PREX2: variants seen among roughly 807,000 people sequenced by gnomAD.
PREX2 encodes phosphatidylinositol 3,4,5-trisphosphate-dependent Rac exchanger 2 protein.
In PREX2, 107 loss-of-function variants were observed where a neutral mutation model predicts 203.2. That is an observed-to-expected ratio of 0.53 (90% CI 0.45 to 0.62). The LOEUF is 0.62. Ranked by LOEUF, PREX2 falls within the 20% of genes least tolerant of loss-of-function variation. The pLI, the probability that PREX2 is intolerant of heterozygous loss-of-function variation, is 0.00. For synonymous variants in PREX2, 672 were observed against 663.6 expected, an observed-to-expected ratio of 1.01 and a Z score of -0.19; for missense variants, 1,777 against 1,955.9, an observed-to-expected ratio of 0.91 and a Z score of 1.72.
At chr8:68,075,238 T>C (rs1809312530) in intron 14 of PREX2, among the ~76,000 whole-genome samples, 2 of 152,252 alleles carry the variant, frequency 1.3e-5, no homozygotes. Flanking sequence ...TACACCATTA[T>C]GTTCAATAAT....
chr8:68,095,057 G>A (rs1810014119), intron 21 of PREX2: 2 of 152,248 alleles, frequency 1.3e-5, no homozygotes, highest in African/African-American at 4.8e-5. Flanking sequence ...GCGATGTCTG[G>A]AAGAGTGCTG....
chr8:68,045,277 T>C (rs1383978787), intron 8 of PREX2, among the ~76,000 whole-genome samples: 2 of 152,112 alleles, frequency 1.3e-5, no homozygotes, highest in African/African-American at 4.8e-5. Flanking sequence ...GAATTCCATT[T>C]TTCCCCAATG....
At chr8:68,188,036 A>T (rs992139037) in intron 35 of PREX2, among the ~76,000 whole-genome samples, 3 of 152,234 alleles carry the variant, frequency 2.0e-5, no homozygotes, top group Non-Finnish European at 4.4e-5. Flanking sequence ...ATATGAAAGT[A>T]TGAAAAATCT....
intron 10 of PREX2, among the ~76,000 whole-genome samples, chr8:68,058,700 G>T (rs141651398): frequency 0.015 from 2,272 of 152,192 alleles, 48 homozygotes; most frequent in African/African-American, 0.052. Context: ...CTCCCAAAAT[G>T]CTGGGATTAT....
chr8:67,954,141 TAG>T, intron 1 of PREX2, among the ~76,000 whole-genome samples: 1 of 152,302 alleles, frequency 6.6e-6, no homozygotes, highest in African/African-American at 2.4e-5. Flanking sequence ...TGTTAGTATA[TAG>T]AGTTAGGTAA....
chr8:68,121,180 GA>G, intron 30 of PREX2, 131 bp downstream of exon 30: 1 of 931,000 alleles, frequency 1.1e-6, no homozygotes. Flanking sequence ...TAAAAGTACT[GA>G]AAATGGTGAG....
chr8:67,964,576 C>G (rs958989778), intron 1 of PREX2, among the ~76,000 whole-genome samples: 5 of 152,018 alleles, frequency 3.3e-5, no homozygotes, highest in African/African-American at 1.2e-4. Flanking sequence ...TAACATTTAT[C>G]TCTCTCTTCA....
In PREX2 at chr8:68,219,576, C is replaced by T. The variant is rs537178969; in HGVS notation, c.4707+1858C>T. Among the ~76,000 whole-genome samples the T allele has an allele frequency of 5.3e-5, 8 of 152,198 alleles. No individual in the cohort carries two copies. The East Asian group carries it at 1.5e-3, about 29-fold the overall frequency. On this transcript the variant is annotated intron_variant, in intron 38 of 39. Transcript: ENST00000288368. ...TACATTTGGAATAGGTAGCTTTCTTCCTTTGTTATTTGTTCCTCTGCCCCA... is the reference window on the plus strand; with the variant it reads ...TACATTTGGAATAGGTAGCTTTCTTTCTTTGTTATTTGTTCCTCTGCCCCA...
At chr8:67,954,272 T>A (rs1805431980) in intron 1 of PREX2, among the ~76,000 whole-genome samples, 1 of 152,226 alleles carries the variant, frequency 6.6e-6, no homozygotes, top group Admixed American at 6.5e-5. Context: ...TCTTTGTGCA[T>A]CATTTGTGCC....
chr8:68,205,044 A>G (rs1459221725), intron 37 of PREX2, among the ~76,000 whole-genome samples: 1 of 152,184 alleles, frequency 6.6e-6, no homozygotes, highest in Non-Finnish European at 1.5e-5. Flanking sequence ...TATGACTCAT[A>G]GAAACCCAGT....
chr8:68,188,942 C>T (rs1353643911), intron 35 of PREX2, among the ~76,000 whole-genome samples: 1 of 152,182 alleles, frequency 6.6e-6, no homozygotes, highest in Non-Finnish European at 1.5e-5. Context: ...CATACTATTA[C>T]AGGTGCTAGA....
At chr8:68,094,360 G>C (rs1371113591) in intron 21 of PREX2, among the ~76,000 whole-genome samples, 2 of 152,210 alleles carry the variant, frequency 1.3e-5, no homozygotes, top group Non-Finnish European at 2.9e-5. Flanking sequence ...GAAAATGAGA[G>C]AGAAACAGAG....
chr8:68,174,201 T>C (rs1481866661), intron 35 of PREX2, among the ~76,000 whole-genome samples: 1 of 152,164 alleles, frequency 6.6e-6, no homozygotes, highest in Non-Finnish European at 1.5e-5. Context: ...TTTCAAAGCT[T>C]TATCCCTGCA....
chr8:68,103,426 C>A (rs750570264), intron 23 of PREX2: 6 of 461,624 alleles, frequency 1.3e-5, no homozygotes, highest in Non-Finnish European at 2.1e-5. Flanking sequence ...CACGAATTAG[C>A]TACCAATGCA....
chr8:68,124,341 A>G (rs750884034), intron 30 of PREX2, among the ~76,000 whole-genome samples: 32 of 152,226 alleles, frequency 2.1e-4, no homozygotes, highest in Non-Finnish European at 3.7e-4. Context: ...CTTTGCAGAA[A>G]CATGAATGGA....
At chr8:68,225,558 A>G (rs1813042809) in intron 39 of PREX2, among the ~76,000 whole-genome samples, 1 of 152,234 alleles carries the variant, frequency 6.6e-6, no homozygotes, top group African/African-American at 2.4e-5. Context: ...AGCAGTTACC[A>G]GAGTGGGAAT....
At chr8:68,116,611 C>T (rs1385192117) in intron 26 of PREX2, among the ~76,000 whole-genome samples, 2 of 152,200 alleles carry the variant, frequency 1.3e-5, no homozygotes, top group Non-Finnish European at 1.5e-5. Flanking sequence ...AAACGGCCAT[C>T]TTCTCCCTGT....
chr8:68,104,605 C>T lies in PREX2; in HGVS notation c.2716-3504C>T, dbSNP rs116955058. Among the ~76,000 whole-genome samples the T allele has an allele frequency of 1.4e-3, 218 of 152,316 alleles. 2 individuals are homozygous for T. The highest frequency in any genetic ancestry group is 1.7e-3 in the Non-Finnish European group (113 of 68,018). On this transcript the variant is annotated intron_variant, in intron 23 of 39. Coordinates refer to ENST00000288368, the MANE Select transcript of PREX2 (RefSeq NM_024870.4). ...TTCTTCAGTTCACCTCTGAAACTTC[C>T]AACCCTCTTACACTGCTCAATTTTG...
At chr8:68,072,593 C>T in intron 14 of PREX2, 23 bp downstream of exon 14, 2 of 1,307,146 alleles carry the variant, frequency 1.5e-6, no homozygotes, top group Non-Finnish European at 2.2e-6. Context: ...ATAGAAGTTG[C>T]TGAGTTTCAC....
Sources: allele counts gnomAD v4.1 joint callset (sites outside exome capture counted in the v4.1 genomes callset), GRCh38; gene constraint gnomAD v4.1.1; transcripts MANE v1.5; gene names NCBI Gene and HGNC (gene_info 2026-07-23, HGNC 2026-07-21).